TENM2: variants seen among roughly 807,000 people sequenced by gnomAD.
The protein encoded by TENM2 is teneurin transmembrane protein 2.
TENM2 carries 52 observed loss-of-function variants against 245.2 expected under a neutral mutation model. The ratio of observed to expected loss-of-function variants is 0.21; its 90% CI spans 0.17 to 0.27. TENM2 has a LOEUF of 0.27. TENM2 is among the 10% of genes least tolerant of loss of function. TENM2 has a pLI of 1.00. For missense variants in TENM2, 3,046 were observed against 3,666.8 expected (o/e 0.83, Z 4.37); for synonymous variants, 1,363 against 1,438.9 (o/e 0.95, Z 1.19).
intron 2 of TENM2, among the ~76,000 whole-genome samples, chr5:167,599,576 T>C (rs1776466475): frequency 1.3e-5 from 2 of 152,184 alleles, no homozygotes; most frequent in African/African-American, 4.8e-5. Flanking sequence ...AAACCTGTTT[T>C]CTTGTTTTGA....
chr5:167,998,505 G>C (rs942656715), intron 5 of TENM2, among the ~76,000 whole-genome samples: 1 of 152,108 alleles, frequency 6.6e-6, no homozygotes, highest in Non-Finnish European at 1.5e-5. Context: ...ACAAGAGTTC[G>C]GCATGACATG....
intron 4 of TENM2, among the ~76,000 whole-genome samples, chr5:167,982,712 T>A (rs1173067250): frequency 6.6e-6 from 1 of 152,124 alleles, no homozygotes; most frequent in Non-Finnish European, 1.5e-5. Flanking sequence ...TCTACCATAA[T>A]TAGTGAATTC....
the TENM2 span, among the ~76,000 whole-genome samples, chr5:166,997,932 A>G: frequency 7.9e-5 from 12 of 152,164 alleles, no homozygotes; most frequent in Admixed American, 7.2e-4. Flanking sequence ...AGAAAATAAT[A>G]AGGACTTTGA....
At chr5:167,064,666 A>G in the TENM2 span, among the ~76,000 whole-genome samples, 1 of 152,320 alleles carries the variant, frequency 6.6e-6, no homozygotes, top group East Asian at 1.9e-4. Flanking sequence ...AGTTCTTAAT[A>G]GGATTAACCA....
chr5:167,683,626 G>A (rs1056827305), intron 2 of TENM2, among the ~76,000 whole-genome samples: 1 of 152,142 alleles, frequency 6.6e-6, no homozygotes, highest in Non-Finnish European at 1.5e-5. Context: ...GGTTTCTTGA[G>A]ATAGGGAAAA....
At chr5:167,920,895 A>T (rs1777319690) in intron 3 of TENM2, among the ~76,000 whole-genome samples, 1 of 152,168 alleles carries the variant, frequency 6.6e-6, no homozygotes, top group African/African-American at 2.4e-5. Context: ...TATTTTTCCC[A>T]TTCTAGGGTC....
chr5:167,299,617 A>G (rs1452972330), intron 1 of TENM2, among the ~76,000 whole-genome samples: 1 of 152,194 alleles, frequency 6.6e-6, no homozygotes, highest in African/African-American at 2.4e-5. Flanking sequence ...AGTGGCCTGT[A>G]CTATAGCATA....
intron 3 of TENM2, among the ~76,000 whole-genome samples, chr5:167,946,792 G>A (rs1412774592): frequency 6.6e-6 from 1 of 152,082 alleles, no homozygotes; most frequent in Non-Finnish European, 1.5e-5. Flanking sequence ...CTGTGAAATG[G>A]GCATGATAAG....
intron 2 of TENM2, among the ~76,000 whole-genome samples, chr5:167,495,912 T>C (rs1301402049): frequency 2.0e-5 from 3 of 152,106 alleles, no homozygotes; most frequent in African/African-American, 7.2e-5. Context: ...TTCTCATGAC[T>C]TTGAAGCCAC....
chr5:167,615,737 T>A (rs1245056496), intron 2 of TENM2, among the ~76,000 whole-genome samples: 3 of 151,932 alleles, frequency 2.0e-5, no homozygotes, highest in Non-Finnish European at 4.4e-5. Flanking sequence ...CCAGAGTCAC[T>A]CATCACTTAA....
At chr5:168,196,453 G>GT (rs919208761) in intron 15 of TENM2, among the ~76,000 whole-genome samples, 2 of 152,014 alleles carry the variant, frequency 1.3e-5, no homozygotes, top group African/African-American at 4.8e-5. Flanking sequence ...AGCCGGTGGG[G>GT]TTTTTTTGTT....
chr5:167,090,685 T>C, the TENM2 span, among the ~76,000 whole-genome samples: 1 of 152,224 alleles, frequency 6.6e-6, no homozygotes, highest in African/African-American at 2.4e-5. Flanking sequence ...ATTTGCCCAT[T>C]ACATTTCGTG....
At chr5:167,101,945 T>C in the TENM2 span, among the ~76,000 whole-genome samples, 1 of 139,510 alleles carries the variant, frequency 7.2e-6, no homozygotes, top group Non-Finnish European at 1.5e-5. Context: ...TATATTTTTT[T>C]TTTTTTTTGG....
chr5:168,084,607 G>A (rs1373266719), intron 7 of TENM2, among the ~76,000 whole-genome samples: 1 of 152,222 alleles, frequency 6.6e-6, no homozygotes, highest in Non-Finnish European at 1.5e-5. Context: ...GAAAGAATAG[G>A]CCAGGCAGAG....
chr5:167,246,643 A>G, the TENM2 span, among the ~76,000 whole-genome samples: 1 of 152,224 alleles, frequency 6.6e-6, no homozygotes, highest in Admixed American at 6.5e-5. Context: ...TTGTGCCTTG[A>G]AAAAAGCAAG....
chr5:167,215,448 A>G, the TENM2 span, among the ~76,000 whole-genome samples: 1 of 152,340 alleles, frequency 6.6e-6, no homozygotes, highest in East Asian at 1.9e-4. Context: ...GAACAAAAGT[A>G]AGAATGGATC....
rs1280961474 is a variant in TENM2, at chr5:168,244,401, G to T, written c.5521-19G>T. 1 of 1,504,358 alleles carries T rather than the reference G, an allele frequency of 6.6e-7. No individual in the cohort carries two copies. The highest frequency in any genetic ancestry group is 9.0e-7 in the Non-Finnish European group (1 of 1,116,586). 93.2% of individuals were successfully genotyped at this position (1,504,358 alleles called of 1,614,324 possible). A position where few individuals can be genotyped will look rare whatever the true frequency, so the allele number is the denominator to read the frequency against. ...GCCTGGGTGATGTCTTTCAAACAAGGCCTGTTGTGTTTTCCTAGGTCCATG... is the reference window on the plus strand; with the variant it reads ...GCCTGGGTGATGTCTTTCAAACAAGTCCTGTTGTGTTTTCCTAGGTCCATG... On this transcript the variant is annotated intron_variant, in intron 25 of 28. Coordinates refer to ENST00000518659, the Ensembl canonical transcript of TENM2. The surrounding 1 kb of genome is among the most constrained non-coding windows in gnomAD (Gnocchi z 4.9).
At chr5:167,863,759 G>T (rs1772054578) in intron 2 of TENM2, among the ~76,000 whole-genome samples, 1 of 152,170 alleles carries the variant, frequency 6.6e-6, no homozygotes, top group Admixed American at 6.5e-5. Flanking sequence ...GTGACAAGAA[G>T]CTAGCAGCTA....
chr5:167,894,129 T>C (rs1462247861), intron 3 of TENM2, among the ~76,000 whole-genome samples: 1 of 152,228 alleles, frequency 6.6e-6, no homozygotes, highest in Non-Finnish European at 1.5e-5. Context: ...TATTTATCTT[T>C]GTATCTTTGT....
Sources: gnomAD v4.1 joint callset for allele counts (sites outside exome capture counted in the v4.1 genomes callset) on GRCh38, gnomAD v4.1.1 for gene constraint, Gnocchi (gnomAD v3.1) non-coding constraint, MANE v1.5 for transcripts, NCBI Gene and HGNC (gene_info 2026-07-23, HGNC 2026-07-21) for gene names.